SLC2A11: variants seen among roughly 807,000 people sequenced by gnomAD.
SLC2A11 encodes solute carrier family 2, facilitated glucose transporter member 11.
In SLC2A11, 43 loss-of-function variants were observed where a neutral mutation model predicts 52.1. The ratio of observed to expected loss-of-function variants is 0.82; its 90% CI spans 0.65 to 1.06. The LOEUF (loss-of-function observed/expected upper bound fraction) is 1.06, where lower values mean the gene tolerates loss of function less well. Among genes scored for constraint, SLC2A11 ranks in the 50% least tolerant of loss-of-function variants. SLC2A11 has a pLI of 0.00. For synonymous variants in SLC2A11, 261 were observed against 277.6 expected (o/e 0.94, Z 0.59); for missense variants, 582 against 654.2 (o/e 0.89, Z 1.20).
At chr22:23,882,671 C>G in intron 7 of SLC2A11, 25 bp downstream of exon 7, 1 of 1,607,844 alleles carries the variant, frequency 6.2e-7, no homozygotes, top group South Asian at 1.1e-5. Flanking sequence ...CCGCCGCACA[C>G]CCTGGGCCCC....
chr22:23,882,770 C>T lies in SLC2A11; in HGVS notation c.894C>T (p.Tyr298=), dbSNP rs774615181. 49 of 1,612,566 alleles carry T rather than the reference C, an allele frequency of 3.0e-5. No homozygotes were observed. Among genetic ancestry groups the T allele is most frequent in the Non-Finnish European group, 3.7e-5 (44 of 1,179,364 alleles). Reference sequence around the variant, plus strand: ...CCACCCTCTCCCAGGTGTACGCCTACGCCTCCTCCGTGTTCCGGAAGGCAG... The same window carrying T: ...CCACCCTCTCCCAGGTGTACGCCTATGCCTCCTCCGTGTTCCGGAAGGCAG... ...ELCGNDSVYA[Y]ASSVFRKAGV... Residue 298 remains tyrosine, a synonymous_variant, in exon 8 of 12, where the codon TAC becomes TAT. Transcript: ENST00000316185.
rs1381990615 is a variant in SLC2A11 at position 23,882,097 on chromosome 22, G to T, written c.695-362G>T. ...ACACACACACAGAGACACACACAGA[G>T]ACAGAGAGATTGAGAAAGACAGGCA... On this transcript the variant is annotated intron_variant, in intron 6 of 11. Coordinates refer to ENST00000316185, the MANE Select transcript of SLC2A11 (RefSeq NM_001024939.4). 6 of 356,336 alleles carry T rather than the reference G, an allele frequency of 1.7e-5. 1 individual carries two copies. The Admixed American group carries it at 2.8e-4, about 16-fold the overall frequency. The allele number at this position is 356,336 out of a possible 1,614,324, so 22.1% of individuals were successfully genotyped here.
chr22:23,863,442 G>T (rs1476088870), intron 2 of SLC2A11, among the ~76,000 whole-genome samples: 1 of 152,092 alleles, frequency 6.6e-6, no homozygotes, highest in Admixed American at 6.6e-5. Context: ...CAGCCCCAGT[G>T]ATAGAAGCCC....
chr22:23,858,178 G>A (rs1189497822), intron 1 of SLC2A11, 149 bp downstream of exon 1: 2 of 1,218,194 alleles, frequency 1.6e-6, no homozygotes, highest in Non-Finnish European at 2.4e-6. Context: ...GGCGTTAGGT[G>A]CTAGGCTCAG....
At chr22:23,865,837 A>T (rs918152202) in intron 2 of SLC2A11, 1 of 152,272 alleles carries the variant, frequency 6.6e-6, no homozygotes, top group Admixed American at 6.5e-5. Flanking sequence ...GGCAGAGATG[A>T]ACACAGAAGT....
chr22:23,881,839 C>T (rs111874758), intron 6 of SLC2A11: 5 of 137,350 alleles, frequency 3.6e-5, no homozygotes, highest in African/African-American at 1.4e-4. Flanking sequence ...CACACACACA[C>T]ACAGACACAG....
intron 4 of SLC2A11, among the ~76,000 whole-genome samples, chr22:23,875,692 A>G (rs779974850): frequency 1.3e-5 from 2 of 152,206 alleles, no homozygotes; most frequent in Admixed American, 6.5e-5. Context: ...AGGGGCTCCA[A>G]CCAACAAGTC....
intron 3 of SLC2A11, chr22:23,872,358 A>G (rs1414247876): frequency 6.6e-6 from 1 of 151,998 alleles, no homozygotes; most frequent in African/African-American, 2.4e-5. Context: ...ATATATATAT[A>G]TATATGTATA....
At position 23,868,252 on chromosome 22, in the gene SLC2A11, A is replaced by G. The variant is rs376182758; in HGVS notation, c.130-229A>G. 6 of 557,888 alleles carry G rather than the reference A, an allele frequency of 1.1e-5. No individual in the cohort carries two copies. The East Asian group carries it at 1.7e-4, about 16-fold the overall frequency. 34.6% of individuals were successfully genotyped at this position (557,888 alleles called of 1,614,324 possible). ...AGAGAGGGGCAAATGGAGCGAGTCC[A>G]GTGCTAGGCTCTGAGAGATATTGCC... On this transcript the variant is annotated intron_variant, in intron 2 of 11. Transcript: ENST00000316185.
At chr22:23,857,073 TG>T (rs60895711), upstream of SLC2A11, 82,284 of 395,536 alleles carry the variant, frequency 0.21, 2,374 homozygotes, top group East Asian at 0.35. Flanking sequence ...TGTGTGTGTG[TG>T]GGGGGGGGGG....
Position 23,885,204 on chromosome 22 carries a change from C to T in SLC2A11, c.*355C>T. On this transcript the variant is annotated 3_prime_UTR_variant, in exon 12 of 12. Coordinates refer to ENST00000316185, the MANE Select transcript of SLC2A11 (RefSeq NM_001024939.4). ...CCCTATCTCTACAAAAAATTTTAAACATTAGCTGGGCATGGTGGTATGTGC... is the reference window on the plus strand; with the variant it reads ...CCCTATCTCTACAAAAAATTTTAAATATTAGCTGGGCATGGTGGTATGTGC... 2.4e-6 allele frequency: 1 copy of T among 420,888 alleles called. No homozygotes were observed. The highest frequency in any genetic ancestry group is 4.2e-6 in the Non-Finnish European group (1 of 239,388). The allele number at this position is 420,888 out of a possible 1,614,324, so 26.1% of individuals were successfully genotyped here. A position where few individuals can be genotyped will look rare whatever the true frequency, so the allele number is the denominator to read the frequency against.
chr22:23,876,680 G>A (rs546621645), intron 4 of SLC2A11, among the ~76,000 whole-genome samples: 1 of 151,948 alleles, frequency 6.6e-6, no homozygotes, highest in South Asian at 2.1e-4. Flanking sequence ...CATCCAGGAT[G>A]TGGTCCTACC....
rs546005696 is a variant in SLC2A11, at chr22:23,867,662, G to T, written c.130-819G>T. ...AGAGATTAGAGGGTCCGAATGTTCA[G>T]CCCCACTCACGGAGCTCTAGGAAAG... On this transcript the variant is annotated intron_variant, in intron 2 of 11. Transcript: ENST00000316185. The T allele has an allele frequency of 1.7e-5, 8 of 470,384 alleles. 1 individual carries two copies. Among genetic ancestry groups the T allele is most frequent in the South Asian group, 1.1e-4 (7 of 64,526 alleles). 29.1% of individuals were successfully genotyped at this position (470,384 alleles called of 1,614,324 possible).
chr22:23,857,831 A>G (rs1276781097), upstream of SLC2A11: 13 of 1,480,760 alleles, frequency 8.8e-6, no homozygotes, highest in African/African-American at 1.4e-5. Flanking sequence ...CTTCGTCTCG[A>G]CGGGTTTGCT....
Position 23,884,619 on chromosome 22 carries a change from C to G in SLC2A11, c.1300-30C>G. 6.3e-7 allele frequency: 1 copy of G among 1,598,420 alleles called. No homozygotes were observed. The highest frequency in any genetic ancestry group is 8.5e-7 in the Non-Finnish European group (1 of 1,172,244). On this transcript the variant is annotated intron_variant, in intron 11 of 11. Transcript: ENST00000316185. The surrounding 1 kb of genome is among the most constrained non-coding windows in gnomAD (Gnocchi z 4.3). The stretch of plus-strand genomic sequence containing the variant: ...CTGTTTAGGGGTTGATGGAGACACA[C>G]CAGGTCTTGGGGTCTTTTTTAATCC...
At chr22:23,868,323 C>T (rs922039994) in intron 2 of SLC2A11, 158 bp from the exon 3 acceptor site, 19 of 775,352 alleles carry the variant, frequency 2.5e-5, no homozygotes, top group Admixed American at 8.1e-5. Flanking sequence ...GGTGCTCAGG[C>T]GAGTTGGTTC....
chr22:23,865,006 C>T (rs992556989), intron 2 of SLC2A11, among the ~76,000 whole-genome samples: 1 of 150,160 alleles, frequency 6.7e-6, no homozygotes, highest in East Asian at 2.0e-4. Flanking sequence ...CCTCCAGAGG[C>T]TGAGGCAGGA....
chr22:23,866,262 A>G (rs1023078454), intron 2 of SLC2A11: 3 of 152,652 alleles, frequency 2.0e-5, no homozygotes, highest in Non-Finnish European at 2.9e-5. Flanking sequence ...GTTCCACCCA[A>G]TGTCAGGGGA....
chr22:23,870,007 G>C (rs1421861200), intron 3 of SLC2A11: 2 of 717,386 alleles, frequency 2.8e-6, no homozygotes, highest in South Asian at 3.0e-5. Flanking sequence ...ATCTCCCAAA[G>C]GCCCACCTCT....
Sources: gnomAD v4.1 joint callset for allele counts (sites outside exome capture counted in the v4.1 genomes callset) on GRCh38, gnomAD v4.1.1 for gene constraint, Gnocchi (gnomAD v3.1) non-coding constraint, MANE v1.5 for transcripts, NCBI Gene and HGNC (gene_info 2026-07-23, HGNC 2026-07-21) for gene names.